Variants in SYNE1 observed in about 807,000 individuals in gnomAD.
SYNE1 encodes nesprin-1.
In SYNE1, 616 loss-of-function variants were observed where a neutral mutation model predicts 1,111.0. That is an observed-to-expected ratio of 0.55 (90% CI 0.52 to 0.59). The LOEUF is 0.59. Among genes scored for constraint, SYNE1 ranks in the 20% least tolerant of loss-of-function variants. SYNE1 has a pLI of 0.00. For synonymous variants in SYNE1, 3,855 were observed against 3,825.8 expected, an observed-to-expected ratio of 1.01 and a Z score of -0.28; for missense variants, 10,006 against 10,417.0, an observed-to-expected ratio of 0.96 and a Z score of 1.72.
intron 98 of SYNE1, among the ~76,000 whole-genome samples, chr6:152,273,918 G>A (rs376423656): frequency 6.6e-5 from 10 of 152,238 alleles, no homozygotes; most frequent in African/African-American, 1.7e-4. Flanking sequence ...GGATCAGGCC[G>A]CCCCTTCCCT....
chr6:152,556,552 C>A (rs1446098466), intron 3 of SYNE1, among the ~76,000 whole-genome samples: 1 of 152,216 alleles, frequency 6.6e-6, no homozygotes, highest in African/African-American at 2.4e-5. Flanking sequence ...CACTGCCTGA[C>A]TGTTTTCTGT....
At chr6:152,538,739 T>C (rs896939322) in intron 4 of SYNE1, among the ~76,000 whole-genome samples, 3 of 152,000 alleles carry the variant, frequency 2.0e-5, no homozygotes, top group Admixed American at 6.6e-5. Flanking sequence ...TCATCAATCC[T>C]ATGTATCCAC....
At chr6:152,318,010 T>C in intron 86 of SYNE1, 71 bp downstream of exon 86, 1 of 1,581,048 alleles carries the variant, frequency 6.3e-7, no homozygotes, top group Non-Finnish European at 8.7e-7. Flanking sequence ...TTAATTTATT[T>C]TCAAAAGAGA....
At chr6:152,232,586 A>G (rs189460823) in intron 112 of SYNE1, among the ~76,000 whole-genome samples, 1 of 152,334 alleles carries the variant, frequency 6.6e-6, no homozygotes, top group Admixed American at 6.5e-5. Context: ...AAACTTAACC[A>G]GAAAACATTC....
At chr6:152,377,628 AAAAAAAAAAAAAATAT>A (rs1387799789) in intron 56 of SYNE1, among the ~76,000 whole-genome samples, 6 of 97,824 alleles carry the variant, frequency 6.1e-5, no homozygotes, top group African/African-American at 2.4e-4. Context: ...AAAAAAAAAA[AAAAAAAAAAAAAATAT>A]ATATATATAT....
chr6:152,261,806 G>A (rs1013030682), intron 101 of SYNE1, among the ~76,000 whole-genome samples: 1 of 152,080 alleles, frequency 6.6e-6, no homozygotes, highest in Non-Finnish European at 1.5e-5. Context: ...AATCATCTCT[G>A]AGGAAAAATA....
chr6:152,162,995 TA>T (rs989957269), intron 131 of SYNE1, among the ~76,000 whole-genome samples: 2 of 152,158 alleles, frequency 1.3e-5, no homozygotes, highest in African/African-American at 2.4e-5. Flanking sequence ...AGTAAGTACA[TA>T]AACTATAAGA....
At chr6:152,302,246 G>A (rs1356277304) in intron 91 of SYNE1, 183 bp from the exon 92 acceptor site, 1 of 794,692 alleles carries the variant, frequency 1.3e-6, no homozygotes, top group Admixed American at 2.1e-5. Flanking sequence ...AGGCTGCGCG[G>A]CGCGGCGCAG....
chr6:152,176,514 A>G lies in SYNE1; in HGVS notation c.23507T>C (p.Leu7836Pro). The change falls in exon 130 of 146, where the codon CTC becomes CCC. Residue 7836 changes from leucine to proline, a missense_variant. By Grantham distance (98) the Leu-to-Pro change is moderately conservative (BLOSUM62 -3). Around this residue, in one of 7 missense-constraint regions of SYNE1, gnomAD observed 2,182 missense variants for 2,287.8 expected, o/e 0.95. Transcript: ENST00000367255. ...IAIAQENKIQ[L>P]QQMGERLAKA... ...AGCAAGTCGTTCTCCCATTTGTTGG[A>G]GCTGTATTTTGTTCTCTTGAGCAAT... The G allele has an allele frequency of 1.2e-6, 2 of 1,613,336 alleles. No homozygotes were observed. Among genetic ancestry groups the G allele is most frequent in the Non-Finnish European group, 1.7e-6 (2 of 1,179,612 alleles).
chr6:152,166,625 A>G (rs533926024), intron 130 of SYNE1, among the ~76,000 whole-genome samples: 1 of 152,362 alleles, frequency 6.6e-6, no homozygotes, highest in African/African-American at 2.4e-5. Flanking sequence ...TTAGTATGCA[A>G]TATGTCAAGG....
intron 137 of SYNE1, chr6:152,146,870 C>G (rs1348534933): frequency 1.3e-5 from 2 of 152,294 alleles, no homozygotes; most frequent in Admixed American, 1.3e-4. Flanking sequence ...CTCCTCCGTT[C>G]ACTCCAGGAC....
rs200825287 is a variant in SYNE1, at chr6:152,331,732, G to A, written c.12953C>T (p.Thr4318Met). Residue 4318 changes from threonine to methionine, a missense_variant, in exon 78 of 146, where the codon ACG becomes ATG. Coordinates refer to ENST00000367255, the MANE Select transcript of SYNE1 (RefSeq NM_182961.4). ...LDDKELVKEQ[T>M]SHLEQRWFQL... is the part of the protein sequence containing the mutation. ...AAACCAACGTTGCTCTAAATGACTC[G>A]TCTGTTCTTTGACTAACTCCTTGTC... The A allele has an allele frequency of 1.9e-4, 313 of 1,614,092 alleles. No individual in the cohort carries two copies. Among genetic ancestry groups the A allele is most frequent in the East Asian group, 4.7e-4 (21 of 44,886 alleles).
intron 30 of SYNE1, among the ~76,000 whole-genome samples, chr6:152,444,158 G>C (rs1428080614): frequency 6.6e-6 from 1 of 152,186 alleles, no homozygotes; most frequent in African/African-American, 2.4e-5. Flanking sequence ...TCTCTCCACA[G>C]TATTCCTTGA....
chr6:152,304,660 T>C (rs1377236629), intron 91 of SYNE1, among the ~76,000 whole-genome samples: 1 of 152,188 alleles, frequency 6.6e-6, no homozygotes, highest in African/African-American at 2.4e-5. Context: ...AGAGTTAGTA[T>C]TAGGCCTTCC....
chr6:152,333,346 T>G (rs1001395014), intron 77 of SYNE1, among the ~76,000 whole-genome samples: 6 of 152,116 alleles, frequency 3.9e-5, no homozygotes, highest in African/African-American at 1.4e-4. Context: ...CTTATAGACT[T>G]GATAAGAAAC....
chr6:152,128,375 C>G (rs376535429), intron 145 of SYNE1: 8 of 152,326 alleles, frequency 5.3e-5, no homozygotes, highest in East Asian at 3.9e-4. Flanking sequence ...TGATATACTG[C>G]AAGTCTTTTA....
At position 152,164,405 on chromosome 6, in the gene SYNE1, G is replaced by A. The variant is rs1266620750; in HGVS notation, c.23628-80C>T. 1.4e-5 allele frequency: 21 copies of A among 1,537,404 alleles called. No homozygotes were observed. In the South Asian group the frequency reaches 1.9e-4, roughly 14 times the overall value. The stretch of plus-strand genomic sequence containing the variant: ...CTCTAGCGTGCAGAGGAGAACACTG[G>A]GCTTTAACAATCTTTTTAGGCAGAG... On this transcript the variant is annotated intron_variant, in intron 130 of 145. Transcript: ENST00000367255.
At position 152,141,214 on chromosome 6, in the gene SYNE1, G is replaced by A. The variant is rs1445525428; in HGVS notation, c.25235C>T (p.Thr8412Ile). The A allele has an allele frequency of 1.2e-6, 2 of 1,614,028 alleles. No homozygotes were observed. Among genetic ancestry groups the A allele is most frequent in the Non-Finnish European group, 1.7e-6 (2 of 1,180,048 alleles). ...TGCTACGCACTCACCAGCCGTTTGGGTTTCGGTACTATGCAGGTTAACAAA... is the reference window on the plus strand; with the variant it reads ...TGCTACGCACTCACCAGCCGTTTGGATTTCGGTACTATGCAGGTTAACAAA... ...PGFVNLHSTE[T>I]QTAGVIDRWE... Residue 8412 changes from threonine to isoleucine, a missense_variant, in exon 139 of 146, where the codon ACC becomes ATC. By Grantham distance (89) the Thr-to-Ile change is moderately conservative. This residue lies in a region of SYNE1 where 761 missense variants were observed against 795.5 expected (regional missense o/e 0.96). Transcript: ENST00000367255.
chr6:152,472,490 G>A (rs965264307), intron 14 of SYNE1, 77 bp from the exon 15 acceptor site: 18 of 1,287,904 alleles, frequency 1.4e-5, no homozygotes, highest in East Asian at 7.1e-5. Context: ...TTTCCAGCCC[G>A]CACCGATGAG....
Sources: gnomAD v4.1 joint callset for allele counts (sites outside exome capture counted in the v4.1 genomes callset) on GRCh38, gnomAD v4.1.1 for gene constraint, gnomAD v4.1.1 regional missense constraint, MANE v1.5 for transcripts, NCBI Gene and HGNC (gene_info 2026-07-23, HGNC 2026-07-21) for gene names.